Variants in ADARB2 observed in about 807,000 individuals in gnomAD.
ADARB2 encodes inactive double-stranded RNA-specific editase B2.
A neutral mutation model predicts 62.2 loss-of-function variants in ADARB2; 25 were observed. The observed-to-expected ratio is 0.40, with a 90% confidence interval of 0.29 to 0.56. ADARB2 has a LOEUF of 0.56. ADARB2 is among the 20% of genes least tolerant of loss of function. ADARB2 has a pLI of 0.43. For missense variants in ADARB2, 1,071 were observed against 1,077.4 expected, an observed-to-expected ratio of 0.99 and a Z score of 0.08; for synonymous variants, 572 against 500.8, an observed-to-expected ratio of 1.14 and a Z score of -1.90.
At chr10:1,457,839 T>C (rs1831114479) in intron 1 of ADARB2, among the ~76,000 whole-genome samples, 1 of 152,232 alleles carries the variant, frequency 6.6e-6, no homozygotes, top group South Asian at 2.1e-4. Flanking sequence ...CTCGTCTTCA[T>C]AGGTAGAGGG....
intron 3 of ADARB2, among the ~76,000 whole-genome samples, chr10:1,294,531 C>T (rs1459707739): frequency 5.9e-5 from 9 of 152,166 alleles, no homozygotes; most frequent in East Asian, 3.9e-4. Context: ...CAGCCCCTCG[C>T]GTTGTTTGAC....
At chr10:1,660,495 A>T (rs1292798301) in intron 1 of ADARB2, among the ~76,000 whole-genome samples, 1 of 152,172 alleles carries the variant, frequency 6.6e-6, no homozygotes, top group Non-Finnish European at 1.5e-5. Flanking sequence ...ACTGCATGTA[A>T]TGAGGGGTAA....
chr10:1,296,278 A>C (rs1831522550), intron 3 of ADARB2, among the ~76,000 whole-genome samples: 1 of 152,230 alleles, frequency 6.6e-6, no homozygotes, highest in South Asian at 2.1e-4. Flanking sequence ...ACTGACCTGT[A>C]ATCTAACCCA....
At chr10:1,327,882 GCC>G (rs1831888914) in intron 3 of ADARB2, among the ~76,000 whole-genome samples, 2 of 55,448 alleles carry the variant, frequency 3.6e-5, no homozygotes, top group African/African-American at 6.3e-5. Context: ...ACAGCTCAGC[GCC>G]TCCTCACAGC....
intron 1 of ADARB2, among the ~76,000 whole-genome samples, chr10:1,439,856 G>A (rs1482264427): frequency 6.9e-6 from 1 of 145,504 alleles, no homozygotes; most frequent in African/African-American, 2.6e-5. Flanking sequence ...TGGGGCTTCT[G>A]AGTCTCCCCT....
chr10:1,401,008 C>T (rs1402142825), intron 1 of ADARB2, among the ~76,000 whole-genome samples: 3 of 152,180 alleles, frequency 2.0e-5, no homozygotes, highest in Admixed American at 6.5e-5. Flanking sequence ...CCGCTGGGGC[C>T]CCTGACCACG....
At chr10:1,719,558 TTAAAC>T (rs1425157169) in intron 1 of ADARB2, among the ~76,000 whole-genome samples, 1 of 152,198 alleles carries the variant, frequency 6.6e-6, no homozygotes, top group African/African-American at 2.4e-5. Flanking sequence ...TGGGACCTAA[TTAAAC>T]TAAAGAGCTT....
intron 1 of ADARB2, among the ~76,000 whole-genome samples, chr10:1,683,195 A>G (rs995681690): frequency 2.6e-5 from 4 of 152,340 alleles, no homozygotes; most frequent in African/African-American, 9.6e-5. Context: ...ATTCCTACCG[A>G]GATAGGTCTG....
At chr10:1,507,173 G>C (rs2131942089) in intron 1 of ADARB2, among the ~76,000 whole-genome samples, 1 of 152,378 alleles carries the variant, frequency 6.6e-6, no homozygotes, top group South Asian at 2.1e-4. Flanking sequence ...TTCCCTATAG[G>C]AGGGCAGAGC....
chr10:1,212,142 A>C (rs1248186402), intron 7 of ADARB2, among the ~76,000 whole-genome samples: 2 of 152,198 alleles, frequency 1.3e-5, no homozygotes, highest in African/African-American at 4.8e-5. Flanking sequence ...TCCCTGACTT[A>C]GAATATTTCA....
intron 1 of ADARB2, among the ~76,000 whole-genome samples, chr10:1,645,296 T>C (rs1466316729): frequency 6.6e-6 from 1 of 152,168 alleles, no homozygotes. Flanking sequence ...AAGCCTTAGG[T>C]GTGGCAGAAT....
At chr10:1,535,700 G>A (rs1265967878) in intron 1 of ADARB2, 1 of 167,122 alleles carries the variant, frequency 6.0e-6, no homozygotes, top group East Asian at 1.9e-4. Flanking sequence ...CCCTTGAGGG[G>A]ACTCTGTCGA....
chr10:1,248,697 A>G (rs577259535), intron 4 of ADARB2, among the ~76,000 whole-genome samples: 1 of 152,382 alleles, frequency 6.6e-6, no homozygotes, highest in East Asian at 1.9e-4. Flanking sequence ...ATCACTCCAT[A>G]CATAGTGGCT....
intron 1 of ADARB2, among the ~76,000 whole-genome samples, chr10:1,565,118 T>C (rs1487100779): frequency 6.6e-6 from 1 of 152,226 alleles, no homozygotes; most frequent in Non-Finnish European, 1.5e-5. Flanking sequence ...CCAGGTCTTC[T>C]GTGAAATTTG....
chr10:1,679,346 C>T (rs1834507233), intron 1 of ADARB2, among the ~76,000 whole-genome samples: 1 of 152,108 alleles, frequency 6.6e-6, no homozygotes, highest in African/African-American at 2.4e-5. Flanking sequence ...GTGCCGGGCA[C>T]CACAATAGCC....
Position 1,325,631 on chromosome 10 carries a change from G to A in ADARB2, c.1077+37397C>T, listed in dbSNP as rs550985218. Among the ~76,000 whole-genome samples, 3 of 152,310 alleles carry A rather than the reference G, an allele frequency of 2.0e-5. No homozygotes were observed. In the South Asian group the frequency reaches 6.2e-4, roughly 32 times the overall value. On this transcript the variant is annotated intron_variant, in intron 3 of 9. Transcript: ENST00000381312. ...GGGACAAGACCCCGGGACCCCATCT[G>A]TTTTTCCAGCTCCGCCTTCCTCCTC...
At chr10:1,332,478 TTTG>T (rs1376602755) in intron 3 of ADARB2, among the ~76,000 whole-genome samples, 4 of 143,318 alleles carry the variant, frequency 2.8e-5, no homozygotes, top group Non-Finnish European at 4.5e-5. Context: ...TAGCATCAGT[TTTG>T]TTTTTTTTTT....
At chr10:1,242,025 G>T in intron 5 of ADARB2, 106 bp downstream of exon 5, 1 of 1,243,450 alleles carries the variant, frequency 8.0e-7, no homozygotes, top group Non-Finnish European at 1.1e-6. Flanking sequence ...CCCTGTGCCA[G>T]GATAGAGGGA....
intron 1 of ADARB2, among the ~76,000 whole-genome samples, chr10:1,620,346 T>C (rs140972297): frequency 6.6e-6 from 1 of 152,306 alleles, no homozygotes; most frequent in East Asian, 1.9e-4. Flanking sequence ...AAGCACATGT[T>C]ATGGGCAACT....
Sources: allele counts gnomAD v4.1 joint callset (sites outside exome capture counted in the v4.1 genomes callset), GRCh38; gene constraint gnomAD v4.1.1; transcripts MANE v1.5; gene names NCBI Gene and HGNC (gene_info 2026-07-23, HGNC 2026-07-21).